Variants in STIL observed in about 807,000 individuals in gnomAD.
STIL encodes STIL centriolar assembly protein.
Under a neutral mutation model 110.1 loss-of-function variants are expected in STIL, and 55 were observed. That is an observed-to-expected ratio of 0.50 (90% CI 0.40 to 0.63). The LOEUF (loss-of-function observed/expected upper bound fraction) is 0.63, where lower values mean the gene tolerates loss of function less well. Among genes scored for constraint, STIL ranks in the 20% least tolerant of loss-of-function variants. The pLI is 0.00. For missense variants in STIL, 1,358 were observed against 1,530.0 expected, an observed-to-expected ratio of 0.89 and a Z score of 1.87; for synonymous variants, 481 against 530.0, an observed-to-expected ratio of 0.91 and a Z score of 1.27.
At chr1:47,311,969 C>G (rs1335794891) in intron 1 of STIL, among the ~76,000 whole-genome samples, 1 of 152,088 alleles carries the variant, frequency 6.6e-6, no homozygotes, top group African/African-American at 2.4e-5. Context: ...ATCACTTGAA[C>G]CTGGGAGGGG....
In STIL at chr1:47,255,518, C is replaced by T. The variant is rs188131929; in HGVS notation, c.3081-3596G>A. Among the ~76,000 whole-genome samples the T allele has an allele frequency of 8.1e-4, 116 of 143,974 alleles. No individual in the cohort carries two copies. In the South Asian group the frequency reaches 9.4e-3, roughly 12 times the overall value. 94.5% of individuals were successfully genotyped at this position (143,974 alleles called of 152,430 possible). A position where few individuals can be genotyped will look rare whatever the true frequency, so the allele number is the denominator to read the frequency against. On this transcript the variant is annotated intron_variant, in intron 16 of 16. Transcript: ENST00000371877. ...GAGCCATGATTGTGCCACTGCACTG[C>T]AGCCTGGGCAACAGAGCGAGACCCT...
chr1:47,292,782 G>C (rs1216647139), intron 8 of STIL, among the ~76,000 whole-genome samples: 1 of 152,192 alleles, frequency 6.6e-6, no homozygotes, highest in Non-Finnish European at 1.5e-5. Flanking sequence ...GAGGAAGAGA[G>C]ATCTACTTTT....
chr1:47,311,292 T>C (rs1646118930), intron 1 of STIL, among the ~76,000 whole-genome samples: 1 of 150,432 alleles, frequency 6.6e-6, no homozygotes, highest in South Asian at 2.1e-4. Context: ...TCTTTTTTTT[T>C]TTTTTTTGAA....
chr1:47,306,973 G>C (rs555098119), intron 2 of STIL, among the ~76,000 whole-genome samples: 1 of 152,262 alleles, frequency 6.6e-6, no homozygotes, highest in East Asian at 1.9e-4. Context: ...CCAACATGGT[G>C]AAACCCCATC....
chr1:47,289,502 C>T lies in STIL; in HGVS notation c.956G>A (p.Cys319Tyr), dbSNP rs1429606798. 1 of 1,613,586 alleles carries T rather than the reference C, an allele frequency of 6.2e-7. No homozygotes were observed. The highest frequency in any genetic ancestry group is 1.3e-5 in the African/African-American group (1 of 74,860). ...KEPEFYECFPCDGKIPDFRFQ... is the reference protein window; with the variant it reads ...KEPEFYECFPYDGKIPDFRFQ... ...CCGAAAGTCAGGTATCTTGCCATCA[C>T]AAGGGAAGCATTCATAAAACTCAGG... The change falls in exon 9 of 17, where the codon TGT becomes TAT. Residue 319 changes from cysteine to tyrosine, a missense_variant. Transcript: ENST00000371877.
chr1:47,301,118 T>C (rs538774234), intron 5 of STIL, among the ~76,000 whole-genome samples: 1 of 152,066 alleles, frequency 6.6e-6, no homozygotes, highest in East Asian at 1.9e-4. Context: ...TGAGACAGGG[T>C]CTTGCTCCCA....
Position 47,251,481 on chromosome 1 carries a change from A to G in STIL, c.3522T>C (p.Asn1174=). Reference sequence around the variant, plus strand: ...TAGAACAATTAATTATTTCATGGTCATTCTTAGAAGGCTCTTTCTGACCAC... The same window carrying G: ...TAGAACAATTAATTATTTCATGGTCGTTCTTAGAAGGCTCTTTCTGACCAC... ...QLGGQKEPSK[N]DHEIINCSNC... The change falls in exon 17 of 17, where the codon AAT becomes AAC. Residue 1174 remains asparagine, a synonymous_variant. Transcript: ENST00000371877. 1.9e-6 allele frequency: 3 copies of G among 1,614,210 alleles called. No homozygotes were observed. The highest frequency in any genetic ancestry group is 2.5e-6 in the Non-Finnish European group (3 of 1,180,046).
chr1:47,251,573 C>A lies in STIL; in HGVS notation c.3430G>T (p.Asp1144Tyr). ...DNSEDEEEPP[D>Y]NADSKSEYLL... ...TATTCACTCTTGCTATCTGCATTGT[C>A]GGGAGGTTCCTCTTCATCTTCACTA... Residue 1144 changes from aspartate (D) to tyrosine (Y), a missense_variant, in exon 17 of 17, where the codon GAC becomes TAC. Transcript: ENST00000371877. The A allele has an allele frequency of 6.2e-7, 1 of 1,613,806 alleles. No individual in the cohort carries two copies. Among genetic ancestry groups the A allele is most frequent in the Non-Finnish European group, 8.5e-7 (1 of 1,179,852 alleles).
In STIL at chr1:47,250,587, A is replaced by G. The variant is rs1304285542; in HGVS notation, c.*549T>C. 1.9e-5 allele frequency: 3 copies of G among 158,844 alleles called. No homozygotes were observed. The highest frequency in any genetic ancestry group is 2.8e-5 in the Non-Finnish European group (2 of 72,048). 9.8% of individuals were successfully genotyped at this position (158,844 alleles called of 1,614,324 possible). On this transcript the variant is annotated 3_prime_UTR_variant, in exon 17 of 17. Transcript: ENST00000371877. ...GTAATCCCAGCACTTTAGGAGGCCG[A>G]GGCGGGCGGATCACCTGAGGTCGGG...
At chr1:47,270,249 TATATATACAC>T (rs1318530002) in intron 13 of STIL, among the ~76,000 whole-genome samples, 7 of 75,246 alleles carry the variant, frequency 9.3e-5, no homozygotes, top group African/African-American at 3.2e-4. Context: ...AAAATATATA[TATATATACAC>T]ACACACACAC....
chr1:47,279,561 T>C (rs778520050), intron 12 of STIL, among the ~76,000 whole-genome samples: 5 of 151,628 alleles, frequency 3.3e-5, no homozygotes, highest in African/African-American at 4.8e-5. Context: ...AAACCCCGTC[T>C]CTACTAAAAA....
At chr1:47,300,208 CAA>C (rs900775347) in intron 5 of STIL, 56 bp from the exon 6 acceptor site, 4 of 1,543,992 alleles carry the variant, frequency 2.6e-6, no homozygotes, top group Non-Finnish European at 3.5e-6. Flanking sequence ...CCCATATCGC[CAA>C]AGTTTATTTT....
intron 16 of STIL, among the ~76,000 whole-genome samples, chr1:47,253,523 T>A (rs1415736123): frequency 6.6e-6 from 1 of 152,154 alleles, no homozygotes; most frequent in East Asian, 1.9e-4. Flanking sequence ...TTACTCTCAG[T>A]TGAGAAAACT....
chr1:47,304,102 A>G (rs1296110597), intron 3 of STIL, among the ~76,000 whole-genome samples: 1 of 151,890 alleles, frequency 6.6e-6, no homozygotes, highest in Non-Finnish European at 1.5e-5. Flanking sequence ...AATAAGTACT[A>G]GAATCAGGAT....
intron 2 of STIL, among the ~76,000 whole-genome samples, chr1:47,309,065 A>AAAT (rs1007886165): frequency 6.6e-6 from 1 of 151,120 alleles, no homozygotes; most frequent in African/African-American, 2.4e-5. Flanking sequence ...AAAAAAAAAA[A>AAAT]AATAATAATA....
chr1:47,274,552 C>T (rs904274794), intron 12 of STIL, among the ~76,000 whole-genome samples: 2 of 145,740 alleles, frequency 1.4e-5, no homozygotes, highest in Middle Eastern at 3.2e-3. Context: ...CTCTTGACCT[C>T]GTGATCCACC....
chr1:47,266,361 CTTTT>C (rs553863110), intron 14 of STIL, among the ~76,000 whole-genome samples: 125 of 152,196 alleles, frequency 8.2e-4, no homozygotes, highest in Non-Finnish European at 1.4e-3. Context: ...ACCAGTTCAC[CTTTT>C]TTTATTTTTA....
intron 16 of STIL, among the ~76,000 whole-genome samples, chr1:47,253,839 T>C (rs1644253138): frequency 6.6e-6 from 1 of 152,110 alleles, no homozygotes; most frequent in Non-Finnish European, 1.5e-5. Context: ...TTTTCATTCT[T>C]ATAAGCACCT....
At chr1:47,268,044 C>T (rs1644705124) in intron 14 of STIL, among the ~76,000 whole-genome samples, 1 of 152,054 alleles carries the variant, frequency 6.6e-6, no homozygotes, top group Non-Finnish European at 1.5e-5. Context: ...ATTTCATTCT[C>T]CCACAGAATT....
Sources: allele counts gnomAD v4.1 joint callset (sites outside exome capture counted in the v4.1 genomes callset), GRCh38; gene constraint gnomAD v4.1.1; transcripts MANE v1.5; gene names NCBI Gene and HGNC (gene_info 2026-07-23, HGNC 2026-07-21).